Variants in DLAT observed in about 807,000 individuals in gnomAD.
DLAT encodes the protein dihydrolipoamide S-acetyltransferase.
DLAT carries 43 observed loss-of-function variants against 68.0 expected under a neutral mutation model. The ratio of observed to expected loss-of-function variants is 0.63; its 90% confidence interval spans 0.50 to 0.81. DLAT has a LOEUF of 0.81. Among genes scored for constraint, DLAT ranks in the 40% least tolerant of loss-of-function variants. DLAT has a pLI of 0.00. For synonymous variants in DLAT, 265 were observed against 288.6 expected (o/e 0.92, Z 0.83); for missense variants, 745 against 815.4 (o/e 0.91, Z 1.05).
chr11:112,028,078 G>A (rs144642483), intron 2 of DLAT, among the ~76,000 whole-genome samples: 13 of 152,322 alleles, frequency 8.5e-5, no homozygotes, highest in Non-Finnish European at 1.8e-4. Flanking sequence ...TTCACAACTT[G>A]ATGTTAGACA....
intron 11 of DLAT, among the ~76,000 whole-genome samples, chr11:112,054,189 G>A (rs1208292374): frequency 2.6e-5 from 4 of 151,846 alleles, no homozygotes; most frequent in African/African-American, 9.7e-5. Flanking sequence ...GGTGGTGCGC[G>A]CCTGTAGTCC....
At chr11:112,029,865 A>C (rs1555179830) in intron 4 of DLAT, 1 of 618,314 alleles carries the variant, frequency 1.6e-6, no homozygotes, top group African/African-American at 1.8e-5. Context: ...AGATCACCAC[A>C]GTAGTTTGGG....
At chr11:112,048,401 A>G (rs1181137558) in intron 10 of DLAT, among the ~76,000 whole-genome samples, 1 of 152,232 alleles carries the variant, frequency 6.6e-6, no homozygotes, top group Admixed American at 6.5e-5. Context: ...CTATACAATC[A>G]TGTCATCTAC....
Position 112,059,965 on chromosome 11 carries a change from T to C in DLAT, c.1577T>C (p.Val526Ala). The C allele has an allele frequency of 6.2e-7, 1 of 1,613,856 alleles. No individual in the cohort carries two copies. The highest frequency in any genetic ancestry group is 8.5e-7 in the Non-Finnish European group (1 of 1,179,904). ...CCTGCAGGACTCATCACACCTATTG[T>C]GTTTAATGCACATATAAAAGGAGTG... ...STPAGLITPI[V>A]FNAHIKGVET... The change falls in exon 12 of 14, where the codon GTG (valine) becomes GCG (alanine). Residue 526 changes from valine to alanine, a missense_variant. By Grantham distance (64) the Val-to-Ala change is moderately conservative. Transcript: ENST00000280346.
At chr11:112,027,831 G>C (rs1862153146) in intron 2 of DLAT, among the ~76,000 whole-genome samples, 1 of 152,222 alleles carries the variant, frequency 6.6e-6, no homozygotes, top group African/African-American at 2.4e-5. Flanking sequence ...GGAGGTTGCA[G>C]TGAGCCGAGA....
chr11:112,039,111 AT>A (rs1464262328), intron 6 of DLAT, 132 bp from the exon 7 acceptor site: 2 of 869,466 alleles, frequency 2.3e-6, no homozygotes, highest in Non-Finnish European at 3.3e-6. Flanking sequence ...GTACATTATG[AT>A]CTTTGGAAAA....
At chr11:112,036,309 G>A (rs1257219168) in intron 5 of DLAT, among the ~76,000 whole-genome samples, 8 of 142,168 alleles carry the variant, frequency 5.6e-5, no homozygotes, top group African/African-American at 1.8e-4. Context: ...CACCTCCTGG[G>A]TTCAAGTGAT....
chr11:112,040,047 T>G (rs1862972590), intron 7 of DLAT, among the ~76,000 whole-genome samples: 1 of 152,250 alleles, frequency 6.6e-6, no homozygotes, highest in Non-Finnish European at 1.5e-5. Flanking sequence ...GTACATCGTA[T>G]AGATTGTGAG....
intron 5 of DLAT, among the ~76,000 whole-genome samples, chr11:112,034,886 G>A (rs1862615067): frequency 6.6e-6 from 1 of 151,354 alleles, no homozygotes; most frequent in African/African-American, 2.4e-5. Flanking sequence ...CAATTCTCCT[G>A]CCTCAGCCTC....
At chr11:112,035,207 G>A (rs143562607) in intron 5 of DLAT, among the ~76,000 whole-genome samples, 8 of 152,288 alleles carry the variant, frequency 5.3e-5, no homozygotes, top group Non-Finnish European at 1.0e-4. Flanking sequence ...GCACCTTGAG[G>A]CAAAGGGGGA....
At chr11:112,027,744 A>C (rs1862143029) in intron 2 of DLAT, among the ~76,000 whole-genome samples, 1 of 152,330 alleles carries the variant, frequency 6.6e-6, no homozygotes, top group Admixed American at 6.5e-5. Context: ...CCAAAAAAAT[A>C]CGAAAACCAG....
In DLAT at chr11:112,043,501, A is replaced by G. The variant is rs1863149785; in HGVS notation, c.1165A>G (p.Ile389Val). ...GPDGRITKKD[I>V]DSFVPSKVAP... ...AGATGGTAGAATCACCAAGAAGGATATCGACTCTTTTGTGCCTAGTAAAGT... is the reference window on the plus strand; with the variant it reads ...AGATGGTAGAATCACCAAGAAGGATGTCGACTCTTTTGTGCCTAGTAAAGT... The change falls in exon 8 of 14, where the codon ATC becomes GTC. Residue 389 changes from isoleucine (I) to valine (V), a missense_variant. Transcript: ENST00000280346. The G allele has an allele frequency of 6.2e-7, 1 of 1,614,042 alleles. No homozygotes were observed. Among genetic ancestry groups the G allele is most frequent in the Non-Finnish European group, 8.5e-7 (1 of 1,180,016 alleles).
In DLAT at chr11:112,062,860, A is replaced by ACAAGTACATAAAG. The variant is rs1555183452; in HGVS notation, c.*326_*338dup. On this transcript the variant is annotated 3_prime_UTR_variant, in exon 14 of 14. Coordinates refer to ENST00000280346, the MANE Select transcript of DLAT (RefSeq NM_001931.5). ...TAGGTAGAATTGTGGTTCCCTAAAG[A>ACAAGTACATAAAG]CAAGTACATAAAGGTGACCCTGATG... The ACAAGTACATAAAG allele has an allele frequency of 3.0e-6, 1 of 330,804 alleles. No homozygotes were observed. Among genetic ancestry groups the ACAAGTACATAAAG allele is most frequent in the Non-Finnish European group, 5.8e-6 (1 of 171,228 alleles). 20.5% of individuals were successfully genotyped at this position (330,804 alleles called of 1,614,324 possible).
chr11:112,063,901 C>A lies in DLAT; in HGVS notation c.*1366C>A. On this transcript the variant is annotated 3_prime_UTR_variant, in exon 14 of 14. Transcript: ENST00000280346. ...CTTAAAATGAATCTGACCAGTGCTT[C>A]CTGGTATATGTAATATGTGGAGTTA... is the stretch of plus-strand genomic sequence containing the variant. 3.1e-6 allele frequency: 1 copy of A among 320,576 alleles called. No individual in the cohort carries two copies. Among genetic ancestry groups the A allele is most frequent in the Non-Finnish European group, 5.6e-6 (1 of 177,330 alleles). The allele number at this position is 320,576 out of a possible 1,614,324, so 19.9% of individuals were successfully genotyped here. A position where few individuals can be genotyped will look rare whatever the true frequency, so the allele number is the denominator to read the frequency against.
At chr11:112,046,491 G>T (rs1012143952) in intron 10 of DLAT, among the ~76,000 whole-genome samples, 2 of 149,992 alleles carry the variant, frequency 1.3e-5, no homozygotes, top group African/African-American at 4.9e-5. Flanking sequence ...TATACTTTAA[G>T]TTCTGGGATA....
In DLAT at chr11:112,028,820, T is replaced by C; in HGVS notation, c.535T>C (p.Tyr179His). Residue 179 changes from tyrosine (Y) to histidine (H), a missense_variant, in exon 4 of 14, where the codon TAT becomes CAT. By Grantham distance (83) the Tyr-to-His change is moderately conservative. Coordinates refer to ENST00000280346, the MANE Select transcript of DLAT (RefSeq NM_001931.5). Reference protein sequence around the residue: ...KPEDIEAFKNYTLDSSAAPTP... With the variant: ...KPEDIEAFKNHTLDSSAAPTP... The stretch of plus-strand genomic sequence containing the variant: ...TGAGGATATTGAGGCCTTTAAAAAT[T>C]ATACACTGGATTCCTCAGCAGCACC... 6.2e-7 allele frequency: 1 copy of C among 1,614,126 alleles called. No individual in the cohort carries two copies. Among genetic ancestry groups the C allele is most frequent in the Non-Finnish European group, 8.5e-7 (1 of 1,180,002 alleles).
Position 112,051,227 on chromosome 11 carries a change from T to C in DLAT, c.1399-7T>C, listed in dbSNP as rs1481717786. On this transcript the variant is annotated splice_region_variant and splice_polypyrimidine_tract_variant and intron_variant, in intron 10 of 13. Transcript: ENST00000280346. The surrounding 1 kb of genome is among the most constrained non-coding windows in gnomAD (Gnocchi z 4.3). ...AGAAGAAACTACAGTTCTTCTTGTC[T>C]TTCCAGATATTAGAAGGGAGAAGCA... 1 of 1,568,898 alleles carries C rather than the reference T, an allele frequency of 6.4e-7. No individual in the cohort carries two copies. The highest frequency in any genetic ancestry group is 1.3e-5 in the African/African-American group (1 of 74,134).
At chr11:112,027,782 C>G (rs972977041) in intron 2 of DLAT, among the ~76,000 whole-genome samples, 7 of 149,796 alleles carry the variant, frequency 4.7e-5, no homozygotes, top group Admixed American at 1.3e-4. Context: ...TGCCTGCAAT[C>G]GCAGGCACTC....
chr11:112,051,085 C>T lies in DLAT; in HGVS notation c.1399-149C>T, dbSNP rs1007020253. Reference sequence around the variant, plus strand: ...TAGCTGATGCATGTGAGGCCTAATACCTGGGTGATGGGTTGACAGGTGCAG... The same window carrying T: ...TAGCTGATGCATGTGAGGCCTAATATCTGGGTGATGGGTTGACAGGTGCAG... On this transcript the variant is annotated intron_variant, in intron 10 of 13. Coordinates refer to ENST00000280346, the MANE Select transcript of DLAT (RefSeq NM_001931.5). This position sits in a 1 kb window ranked among gnomAD's most constrained non-coding sequence, Gnocchi z 4.3. The T allele has an allele frequency of 1.1e-4, 64 of 594,734 alleles. No homozygotes were observed. The highest frequency in any genetic ancestry group is 1.8e-4 in the Admixed American group (6 of 33,806). 36.8% of individuals were successfully genotyped at this position (594,734 alleles called of 1,614,324 possible).
Sources: allele counts gnomAD v4.1 joint callset (sites outside exome capture counted in the v4.1 genomes callset), GRCh38; gene constraint gnomAD v4.1.1; non-coding constraint Gnocchi (gnomAD v3.1); transcripts MANE v1.5; gene names NCBI Gene and HGNC (gene_info 2026-07-23, HGNC 2026-07-21).